The following SLC24A2 variants were observed in gnomAD, a reference collection of about 807,000 sequenced individuals.
SLC24A2 encodes the protein sodium/potassium/calcium exchanger 2.
A neutral mutation model predicts 62.0 loss-of-function variants in SLC24A2; 36 were observed. The ratio of observed to expected loss-of-function variants is 0.58; its 90% CI spans 0.44 to 0.77. SLC24A2 has a LOEUF of 0.77. Ranked by LOEUF, SLC24A2 falls within the 30% of genes least tolerant of loss-of-function variation. The pLI, the probability that SLC24A2 is intolerant of heterozygous loss-of-function variation, is 0.00. For missense variants in SLC24A2, 846 were observed against 817.9 expected, an observed-to-expected ratio of 1.03 and a Z score of -0.42; for synonymous variants, 358 against 294.0, an observed-to-expected ratio of 1.22 and a Z score of -2.23.
chr9:19,994,522 C>A, the SLC24A2 span, among the ~76,000 whole-genome samples: 2 of 152,152 alleles, frequency 1.3e-5, no homozygotes, highest in Admixed American at 6.6e-5. Context: ...CGCTCATTCA[C>A]AGTAGTTTAA....
intron 1 of SLC24A2, 106 bp from the exon 2 acceptor site, chr9:19,787,125 G>T: frequency 5.3e-6 from 3 of 566,534 alleles, no homozygotes; most frequent in Non-Finnish European, 6.7e-6. Context: ...GTGCGATCTT[G>T]GGTAAGTTAC....
chr9:19,628,859 T>C (rs1388600453), intron 2 of SLC24A2, among the ~76,000 whole-genome samples: 1 of 152,140 alleles, frequency 6.6e-6, no homozygotes, highest in Non-Finnish European at 1.5e-5. Flanking sequence ...TTTAAGAAAG[T>C]TTAAGAATTT....
the SLC24A2 span, chr9:19,957,846 G>C: frequency 0.73 from 110,823 of 152,768 alleles, 41,399 homozygotes; most frequent in Non-Finnish European, 0.82. Flanking sequence ...GAATGCTTCT[G>C]TCACTCAAAG....
At chr9:19,940,515 T>C in the SLC24A2 span, among the ~76,000 whole-genome samples, 1 of 152,058 alleles carries the variant, frequency 6.6e-6, no homozygotes, top group South Asian at 2.1e-4. Flanking sequence ...ACTACATGAG[T>C]GCTCATGTCT....
chr9:20,070,826 G>A, the SLC24A2 span, among the ~76,000 whole-genome samples: 1 of 152,156 alleles, frequency 6.6e-6, no homozygotes, highest in South Asian at 2.1e-4. Context: ...AATACTCCCA[G>A]GGTGTCTGTA....
the SLC24A2 span, among the ~76,000 whole-genome samples, chr9:19,979,788 G>T: frequency 6.6e-6 from 1 of 152,230 alleles, no homozygotes; most frequent in South Asian, 2.1e-4. Flanking sequence ...TGAAAACATG[G>T]GTATTGGAAT....
At chr9:19,570,188 T>C (rs539198198) in intron 7 of SLC24A2, among the ~76,000 whole-genome samples, 1 of 152,242 alleles carries the variant, frequency 6.6e-6, no homozygotes, top group Non-Finnish European at 1.5e-5. Flanking sequence ...CAACTTACCT[T>C]TTCTAGTGGA....
the SLC24A2 span, among the ~76,000 whole-genome samples, chr9:19,947,159 A>G: frequency 6.6e-6 from 1 of 152,298 alleles, no homozygotes; most frequent in East Asian, 1.9e-4. Flanking sequence ...AGCCAGACCA[A>G]CTGAGCCTGC....
At chr9:19,534,494 T>A (rs202017369) in intron 8 of SLC24A2, among the ~76,000 whole-genome samples, 2 of 152,056 alleles carry the variant, frequency 1.3e-5, no homozygotes, top group African/African-American at 4.8e-5. Flanking sequence ...TGTCCTAATG[T>A]TCTCCCTCCC....
At chr9:20,258,811 T>C in the SLC24A2 span, among the ~76,000 whole-genome samples, 7 of 127,700 alleles carry the variant, frequency 5.5e-5, no homozygotes, top group Middle Eastern at 3.5e-3. Context: ...TATCTATCTA[T>C]CTACCTTATC....
the SLC24A2 span, among the ~76,000 whole-genome samples, chr9:20,022,860 T>C: frequency 1.3e-5 from 2 of 152,176 alleles, no homozygotes; most frequent in Non-Finnish European, 2.9e-5. Flanking sequence ...AAAGCATGTA[T>C]TGGAATATCT....
chr9:19,809,363 C>T, the SLC24A2 span, among the ~76,000 whole-genome samples: 2 of 152,076 alleles, frequency 1.3e-5, no homozygotes, highest in Non-Finnish European at 2.9e-5. Context: ...AAGACGTTAA[C>T]ATGTTAAGGA....
intron 2 of SLC24A2, among the ~76,000 whole-genome samples, chr9:19,723,770 GA>G (rs71496828): frequency 0.012 from 1,777 of 151,678 alleles, 21 homozygotes; most frequent in Non-Finnish European, 0.018. Flanking sequence ...AGCAAAGAGA[GA>G]AAAAAAATTA....
the SLC24A2 span, among the ~76,000 whole-genome samples, chr9:20,235,553 G>A: frequency 6.6e-6 from 1 of 152,224 alleles, no homozygotes; most frequent in African/African-American, 2.4e-5. Context: ...TAATCTCCTG[G>A]TGTGCCGGTT....
chr9:19,994,611 C>T, the SLC24A2 span, among the ~76,000 whole-genome samples: 1 of 152,164 alleles, frequency 6.6e-6, no homozygotes. Context: ...GATTGAGAGC[C>T]AGGAGTTGGC....
chr9:19,624,497 T>G (rs1817985546), intron 2 of SLC24A2, among the ~76,000 whole-genome samples: 1 of 152,134 alleles, frequency 6.6e-6, no homozygotes, highest in Non-Finnish European at 1.5e-5. Flanking sequence ...TCTATCGACT[T>G]CCTTTTTCTC....
the SLC24A2 span, among the ~76,000 whole-genome samples, chr9:20,037,860 C>T: frequency 6.6e-6 from 1 of 152,134 alleles, no homozygotes; most frequent in Non-Finnish European, 1.5e-5. Flanking sequence ...AGGAAGAGCC[C>T]AGCTCTTCAA....
the SLC24A2 span, among the ~76,000 whole-genome samples, chr9:20,047,519 T>C: frequency 7.4e-5 from 11 of 149,176 alleles, no homozygotes; most frequent in Admixed American, 1.3e-4. Flanking sequence ...ACAAAAGAAA[T>C]TTATTTCTTA....
intron 2 of SLC24A2, among the ~76,000 whole-genome samples, chr9:19,728,911 C>A (rs1385577495): frequency 6.6e-6 from 1 of 152,052 alleles, no homozygotes; most frequent in Admixed American, 6.6e-5. Context: ...TTACTGTATG[C>A]AAATTAAAAG....
Sources: allele counts gnomAD v4.1 joint callset (sites outside exome capture counted in the v4.1 genomes callset), GRCh38; gene constraint gnomAD v4.1.1; transcripts MANE v1.5; gene names NCBI Gene and HGNC (gene_info 2026-07-23, HGNC 2026-07-21).